The following SMCHD1 variants were observed in gnomAD, a reference collection of about 807,000 sequenced individuals.
The protein encoded by SMCHD1 is structural maintenance of chromosomes flexible hinge domain-containing protein 1.
A neutral mutation model predicts 254.7 loss-of-function variants in SMCHD1; 78 were observed. The ratio of observed to expected loss-of-function variants is 0.31; its 90% CI spans 0.26 to 0.37. SMCHD1 has a LOEUF of 0.37. Ranked by LOEUF, SMCHD1 falls within the 10% of genes least tolerant of loss-of-function variation. The pLI is 1.00. For missense variants in SMCHD1, 1,840 were observed against 2,408.1 expected, an observed-to-expected ratio of 0.76 and a Z score of 4.94; for synonymous variants, 766 against 794.9, an observed-to-expected ratio of 0.96 and a Z score of 0.61.
chr18:2,726,561 A>C (rs1359092510), intron 22 of SMCHD1, 37 bp downstream of exon 22: 1 of 1,051,132 alleles, frequency 9.5e-7, no homozygotes, highest in Admixed American at 2.8e-5. Flanking sequence ...ATTTAAAATA[A>C]TTTTCTTATG....
chr18:2,790,428 T>C (rs2076301661), intron 45 of SMCHD1, among the ~76,000 whole-genome samples: 1 of 152,158 alleles, frequency 6.6e-6, no homozygotes, highest in Non-Finnish European at 1.5e-5. Flanking sequence ...GCCTAACTTA[T>C]AAATTAAAAT....
At position 2,718,552 on chromosome 18, in the gene SMCHD1, AT is replaced by A. The variant is rs1018692637; in HGVS notation, c.2458+122del. On this transcript the variant is annotated intron_variant, in intron 19 of 47. Transcript: ENST00000320876. The surrounding 1 kb of genome is among the most constrained non-coding windows in gnomAD (Gnocchi z 4.6). ...ACAATTGGGTAACCATCTCGATTTT[AT>A]TTTATTTTCTTACTTACTTTGAGAT... 2.4e-5 allele frequency: 21 copies of A among 881,184 alleles called. No individual in the cohort carries two copies. The African/African-American group carries it at 3.3e-4, about 14-fold the overall frequency. 54.6% of individuals were successfully genotyped at this position (881,184 alleles called of 1,614,324 possible).
At chr18:2,771,186 A>G (rs1047503465) in intron 39 of SMCHD1, among the ~76,000 whole-genome samples, 1 of 152,212 alleles carries the variant, frequency 6.6e-6, no homozygotes, top group Non-Finnish European at 1.5e-5. Context: ...TTTGTGTAGC[A>G]CTAAAAATTG....
chr18:2,742,997 A>G (rs979156101), intron 28 of SMCHD1, among the ~76,000 whole-genome samples: 1 of 152,154 alleles, frequency 6.6e-6, no homozygotes, highest in Non-Finnish European at 1.5e-5. Flanking sequence ...TTGCTGAAAT[A>G]TTGTTACAGC....
In SMCHD1 at chr18:2,777,918, A is replaced by C; in HGVS notation, c.5476+3A>C. On this transcript the variant is annotated splice_donor_region_variant and intron_variant, in intron 43 of 47. Transcript: ENST00000320876. ...TAATGTAGAACATTGTGAAACAGGTAAAAGACATTATGGTGACTTTACTTT... is the reference window on the plus strand; with the variant it reads ...TAATGTAGAACATTGTGAAACAGGTCAAAGACATTATGGTGACTTTACTTT... 1 of 1,504,364 alleles carries C rather than the reference A, an allele frequency of 6.6e-7. No individual in the cohort carries two copies. Among genetic ancestry groups the C allele is most frequent in the Non-Finnish European group, 9.0e-7 (1 of 1,111,640 alleles). 93.2% of individuals were successfully genotyped at this position (1,504,364 alleles called of 1,614,324 possible). A position where few individuals can be genotyped will look rare whatever the true frequency, so the allele number is the denominator to read the frequency against.
chr18:2,703,465 G>A (rs1480780090), intron 12 of SMCHD1, among the ~76,000 whole-genome samples: 1 of 152,092 alleles, frequency 6.6e-6, no homozygotes, highest in African/African-American at 2.4e-5. Flanking sequence ...ATTGACCAGG[G>A]ATACCTTGGT....
At chr18:2,739,604 T>G in intron 27 of SMCHD1, 84 bp downstream of exon 27, 1 of 1,021,146 alleles carries the variant, frequency 9.8e-7, no homozygotes, top group Non-Finnish European at 1.5e-6. Context: ...ATACCTAATC[T>G]GAAAGGAAAG....
chr18:2,672,536 C>T (rs2073639022), intron 3 of SMCHD1, among the ~76,000 whole-genome samples: 1 of 152,202 alleles, frequency 6.6e-6, no homozygotes, highest in African/African-American at 2.4e-5. Flanking sequence ...TGAAATGCTA[C>T]TTTGCATTAA....
In SMCHD1 at chr18:2,707,937, A is replaced by C; in HGVS notation, c.2260+17A>C. On this transcript the variant is annotated intron_variant, in intron 17 of 47. Transcript: ENST00000320876. ...TTTTACATTGTAAGTATACAAACTA[A>C]TTTAGATCTTTAATATTGTTTTTAA... 3 of 1,376,826 alleles carry C rather than the reference A, an allele frequency of 2.2e-6. No homozygotes were observed. Among genetic ancestry groups the C allele is most frequent in the Non-Finnish European group, 3.0e-6 (3 of 1,008,002 alleles). The allele number at this position is 1,376,826 out of a possible 1,614,324, so 85.3% of individuals were successfully genotyped here. A position where few individuals can be genotyped will look rare whatever the true frequency, so the allele number is the denominator to read the frequency against.
chr18:2,772,501 C>T, intron 41 of SMCHD1, 129 bp downstream of exon 41: 2 of 711,596 alleles, frequency 2.8e-6, no homozygotes, highest in Non-Finnish European at 4.2e-6. Context: ...AAAGTACCTG[C>T]TCTCATTATT....
chr18:2,690,681 A>ATTTTTTTTTTTTTTT (rs2074155964), intron 7 of SMCHD1, among the ~76,000 whole-genome samples: 1 of 142,658 alleles, frequency 7.0e-6, no homozygotes. Context: ...ATGGAGTTTC[A>ATTTTTTTTTTTTTTT]CCATGTTGGC....
At chr18:2,786,887 C>G (rs1017201727) in intron 45 of SMCHD1, among the ~76,000 whole-genome samples, 3 of 152,122 alleles carry the variant, frequency 2.0e-5, no homozygotes, top group Non-Finnish European at 4.4e-5. Context: ...TTGTTCAACA[C>G]TATGCATGTA....
At chr18:2,782,757 A>AC (rs1219019400) in intron 44 of SMCHD1, among the ~76,000 whole-genome samples, 19 of 150,256 alleles carry the variant, frequency 1.3e-4, no homozygotes, top group African/African-American at 4.2e-4. Flanking sequence ...AAAAAAAAAA[A>AC]AAAAAAAAAA....
At chr18:2,662,038 A>C (rs1203113117) in intron 1 of SMCHD1, among the ~76,000 whole-genome samples, 1 of 140,374 alleles carries the variant, frequency 7.1e-6, no homozygotes, top group African/African-American at 3.1e-5. Context: ...AGGCGCCTGT[A>C]GTCCCAGCTA....
intron 33 of SMCHD1, 148 bp from the exon 34 acceptor site, chr18:2,752,340 T>G: frequency 1.6e-6 from 1 of 629,216 alleles, no homozygotes; most frequent in East Asian, 3.0e-5. Flanking sequence ...ATTATGAAGA[T>G]ATAAACGTGT....
intron 4 of SMCHD1, 23 bp downstream of exon 4, chr18:2,673,386 C>T: frequency 1.4e-6 from 2 of 1,399,842 alleles, no homozygotes; most frequent in South Asian, 1.7e-5. Flanking sequence ...TACTGTAAAG[C>T]AATTTAACTT....
intron 8 of SMCHD1, among the ~76,000 whole-genome samples, chr18:2,695,578 G>A (rs1018105546): frequency 2.6e-5 from 4 of 152,080 alleles, no homozygotes; most frequent in Admixed American, 6.5e-5. Flanking sequence ...CCAAAGTACT[G>A]GGATTACAGG....
At position 2,803,345 on chromosome 18, in the gene SMCHD1, A is replaced by G. The variant is rs2076396936; in HGVS notation, c.*793A>G. On this transcript the variant is annotated 3_prime_UTR_variant, in exon 48 of 48. Coordinates refer to ENST00000320876, the MANE Select transcript of SMCHD1 (RefSeq NM_015295.3). ...TTACATTATTTTGTAATTTTTTATT[A>G]CTATTTTTAAGGGGTTAAAGAGAAC... is the stretch of plus-strand genomic sequence containing the variant. 1 of 151,388 alleles carries G rather than the reference A, an allele frequency of 6.6e-6. No individual in the cohort carries two copies. Among genetic ancestry groups the G allele is most frequent in the South Asian group, 2.1e-4 (1 of 4,826 alleles). 9.4% of individuals were successfully genotyped at this position (151,388 alleles called of 1,614,324 possible).
At chr18:2,735,189 A>G (rs2075225476) in intron 25 of SMCHD1, among the ~76,000 whole-genome samples, 1 of 152,232 alleles carries the variant, frequency 6.6e-6, no homozygotes, top group South Asian at 2.1e-4. Flanking sequence ...TTAAAACCGT[A>G]TGATTTAATA....
Sources: gnomAD v4.1 joint callset for allele counts (sites outside exome capture counted in the v4.1 genomes callset) on GRCh38, gnomAD v4.1.1 for gene constraint, Gnocchi (gnomAD v3.1) non-coding constraint, MANE v1.5 for transcripts, NCBI Gene and HGNC (gene_info 2026-07-23, HGNC 2026-07-21) for gene names.